Variants in CTSB observed in about 807,000 individuals in gnomAD.
CTSB encodes the protein APP secretase.
CTSB carries 57 observed loss-of-function variants against 44.3 expected under a neutral mutation model. The ratio of observed to expected loss-of-function variants is 1.29; its 90% CI spans 1.04 to 1.60. CTSB has a LOEUF of 1.60. CTSB is among the 40% of genes most tolerant of loss of function. The pLI is 0.00. For missense variants in CTSB, 768 were observed against 443.0 expected, an observed-to-expected ratio of 1.73 and a Z score of -6.59; for synonymous variants, 320 against 168.0, an observed-to-expected ratio of 1.91 and a Z score of -7.00.
At chr8:11,848,487 C>A (rs1262520686) in intron 5 of CTSB, 2 of 413,070 alleles carry the variant, frequency 4.8e-6, no homozygotes, top group Non-Finnish European at 9.3e-6. Context: ...CCCTAAGGTA[C>A]TTAAAAACAC....
chr8:11,845,422 A>G (rs1813103282), intron 9 of CTSB, among the ~76,000 whole-genome samples, 200 bp from the exon 10 acceptor site: 2 of 152,066 alleles, frequency 1.3e-5, no homozygotes, highest in Admixed American at 1.3e-4. Context: ...CACCCTTCCC[A>G]TCACAGGATC....
chr8:11,853,135 GCA>G (rs1167194356), intron 2 of CTSB, among the ~76,000 whole-genome samples, 192 bp downstream of exon 2: 2 of 152,044 alleles, frequency 1.3e-5, no homozygotes, highest in Non-Finnish European at 2.9e-5. Flanking sequence ...ACACACTCAT[GCA>G]CACACGTGGG....
chr8:11,864,848 G>C (rs112642367), intron 1 of CTSB, among the ~76,000 whole-genome samples: 70 of 151,856 alleles, frequency 4.6e-4, no homozygotes, highest in African/African-American at 1.5e-3. Flanking sequence ...TGGGAGGTGA[G>C]GTTGCAGTGA....
In CTSB at chr8:11,847,793, C is replaced by T; in HGVS notation, c.562G>A (p.Glu188Lys). 1 of 1,599,096 alleles carries T rather than the reference C, an allele frequency of 6.3e-7. No individual in the cohort carries two copies. Among genetic ancestry groups the T allele is most frequent in the Non-Finnish European group, 8.5e-7 (1 of 1,175,868 alleles). Residue 188 changes from glutamate to lysine, a missense_variant, in exon 7 of 10, where the codon GAG (glutamate) becomes AAG (lysine). Physicochemically the swap from Glu to Lys is moderately conservative, Grantham distance 56. Transcript: ENST00000353047. ...GGCCGGGAGCCGTTGACGTGGTGCT[C>T]ACAGGGAGGGATGGAGTACGGTCTG... ...GCRPYSIPPC[E>K]HHVNGSRPPC...
In CTSB at chr8:11,847,031, C is replaced by T. The variant is rs747308699; in HGVS notation, c.793+21G>A. The T allele has an allele frequency of 9.6e-6, 10 of 1,045,808 alleles. No individual in the cohort carries two copies. In the East Asian group the frequency reaches 1.8e-4, roughly 19 times the overall value. The allele number at this position is 1,045,808 out of a possible 1,614,324, so 64.8% of individuals were successfully genotyped here. A position where few individuals can be genotyped will look rare whatever the true frequency, so the allele number is the denominator to read the frequency against. On this transcript the variant is annotated intron_variant, in intron 8 of 9. Coordinates refer to ENST00000353047, the MANE Select transcript of CTSB (RefSeq NM_001908.5). ...CCCTCCCGACCCCCACCCTCTATTG[C>T]CATCAGCCATCAGCACGCACCTGAC...
At chr8:11,847,449 G>A (rs879444787) in intron 7 of CTSB, among the ~76,000 whole-genome samples, 5 of 152,200 alleles carry the variant, frequency 3.3e-5, no homozygotes, top group African/African-American at 4.8e-5. Context: ...TAAAAGGAGG[G>A]CTTTGGTCCC....
rs377117242 is a variant in CTSB at position 11,848,053 on chromosome 8, G to C, written c.532+14C>G. ...ATCCATCTGGCCAGAAAGTGGCCAA[G>C]GGGACACACTTACCTACATGGGATT... On this transcript the variant is annotated intron_variant, in intron 6 of 9. Transcript: ENST00000353047. 2.1e-5 allele frequency: 33 copies of C among 1,596,714 alleles called. No individual in the cohort carries two copies. The highest frequency in any genetic ancestry group is 2.7e-5 in the Non-Finnish European group (32 of 1,167,644).
chr8:11,844,756 C>T lies in CTSB; in HGVS notation c.*369G>A. 5.2e-6 allele frequency: 1 copy of T among 193,930 alleles called. No individual in the cohort carries two copies. Among genetic ancestry groups the T allele is most frequent in the Non-Finnish European group, 1.1e-5 (1 of 94,074 alleles). The allele number at this position is 193,930 out of a possible 1,614,324, so 12.0% of individuals were successfully genotyped here. A position where few individuals can be genotyped will look rare whatever the true frequency, so the allele number is the denominator to read the frequency against. On this transcript the variant is annotated 3_prime_UTR_variant, in exon 10 of 10. Coordinates refer to ENST00000353047, the MANE Select transcript of CTSB (RefSeq NM_001908.5). The stretch of plus-strand genomic sequence containing the variant: ...TACTTGCTTGGAGGTACTGGGGGAA[C>T]TGATGGGGGAACTTTCATCCTGTTA...
intron 5 of CTSB, 52 bp downstream of exon 5, chr8:11,848,994 G>A (rs368522482): frequency 2.8e-5 from 38 of 1,374,330 alleles, no homozygotes; most frequent in Middle Eastern, 3.6e-4. Flanking sequence ...GAGAAGCTGG[G>A]GCCCAGGGTC....
chr8:11,848,162 C>A lies in CTSB; in HGVS notation c.447-10G>T, dbSNP rs754067970. The A allele has an allele frequency of 6.2e-7, 1 of 1,612,660 alleles. No homozygotes were observed. The highest frequency in any genetic ancestry group is 2.2e-5 in the East Asian group (1 of 44,880). On this transcript the variant is annotated splice_polypyrimidine_tract_variant and intron_variant, in intron 5 of 9. Coordinates refer to ENST00000353047, the MANE Select transcript of CTSB (RefSeq NM_001908.5). ...ATAGCCACCATTACAGCTGAAAAGA[C>A]AGCCTCTAATGAAAACCTCTGAGAG...
At chr8:11,862,681 G>A (rs1816604564) in intron 1 of CTSB, among the ~76,000 whole-genome samples, 1 of 152,246 alleles carries the variant, frequency 6.6e-6, no homozygotes, top group Non-Finnish European at 1.5e-5. Context: ...GGAAAAGCCT[G>A]TGGCTGGCAC....
chr8:11,855,301 T>C (rs914680247), intron 1 of CTSB, among the ~76,000 whole-genome samples: 2 of 152,132 alleles, frequency 1.3e-5, no homozygotes, highest in African/African-American at 4.8e-5. Context: ...ATGACAGGCG[T>C]GAGGCACCGC....
Position 11,844,890 on chromosome 8 carries a change from C to T in CTSB, c.*235G>A. 3.7e-6 allele frequency: 2 copies of T among 543,594 alleles called. No individual in the cohort carries two copies. The highest frequency in any genetic ancestry group is 3.0e-5 in the East Asian group (1 of 33,368). The allele number at this position is 543,594 out of a possible 1,614,324, so 33.7% of individuals were successfully genotyped here. A position where few individuals can be genotyped will look rare whatever the true frequency, so the allele number is the denominator to read the frequency against. ...AGCAGGTACTCCCTACGGCACTAGTCTACAGGGGGAAGGACGCTCTGTGCT... is the reference window on the plus strand; with the variant it reads ...AGCAGGTACTCCCTACGGCACTAGTTTACAGGGGGAAGGACGCTCTGTGCT... On this transcript the variant is annotated 3_prime_UTR_variant, in exon 10 of 10. Transcript: ENST00000353047.
chr8:11,865,010 C>T (rs1285742119), intron 1 of CTSB, among the ~76,000 whole-genome samples: 1 of 152,158 alleles, frequency 6.6e-6, no homozygotes, highest in Non-Finnish European at 1.5e-5. Context: ...ACATTAACAA[C>T]CATGCCAGGG....
At position 11,847,741 on chromosome 8, in the gene CTSB, G is replaced by T. The variant is rs1275150010; in HGVS notation, c.614C>A (p.Pro205His). The part of the protein sequence containing the change: ...RPPCTGEGDT[P>H]KCSKICEPGY... ...AGGCTCACAGATCTTGCTACACTTGGGGGTATCTCCCTCCCCCGTGCATGG... is the reference window on the plus strand; with the variant it reads ...AGGCTCACAGATCTTGCTACACTTGTGGGTATCTCCCTCCCCCGTGCATGG... Residue 205 changes from proline (P) to histidine (H), a missense_variant, in exon 7 of 10, where the codon CCC (proline) becomes CAC (histidine). Physicochemically the swap from Pro to His is moderately conservative, Grantham distance 77. Coordinates refer to ENST00000353047, the MANE Select transcript of CTSB (RefSeq NM_001908.5). 6.2e-7 allele frequency: 1 copy of T among 1,600,892 alleles called. No homozygotes were observed. The highest frequency in any genetic ancestry group is 1.4e-5 in the African/African-American group (1 of 74,026).
intron 1 of CTSB, among the ~76,000 whole-genome samples, chr8:11,866,109 TC>T (rs1817111660): frequency 6.6e-6 from 1 of 151,882 alleles, no homozygotes; most frequent in African/African-American, 2.4e-5. Flanking sequence ...TGACCTCCCT[TC>T]AATTCACTTC....
At chr8:11,863,096 T>C (rs948467675) in intron 1 of CTSB, among the ~76,000 whole-genome samples, 5 of 152,206 alleles carry the variant, frequency 3.3e-5, no homozygotes, top group African/African-American at 1.2e-4. Context: ...GAAGATTGAC[T>C]GAACCCAGGA....
intron 1 of CTSB, among the ~76,000 whole-genome samples, chr8:11,866,501 T>C (rs1008928716): frequency 2.0e-5 from 3 of 152,196 alleles, no homozygotes; most frequent in African/African-American, 7.2e-5. Context: ...GACTCTGTCT[T>C]TGGGAAAGCT....
At chr8:11,845,321 C>A in intron 9 of CTSB, 99 bp from the exon 10 acceptor site, 1 of 923,536 alleles carries the variant, frequency 1.1e-6, no homozygotes, top group South Asian at 1.5e-5. Context: ...TCCCTGGCCA[C>A]TCCTGCTGTT....
Sources: gnomAD v4.1 joint callset for allele counts (sites outside exome capture counted in the v4.1 genomes callset) on GRCh38, gnomAD v4.1.1 for gene constraint, MANE v1.5 for transcripts, NCBI Gene and HGNC (gene_info 2026-07-23, HGNC 2026-07-21) for gene names.